DOCK3: variants seen among roughly 807,000 people sequenced by gnomAD.
The protein encoded by DOCK3 is dedicator of cytokinesis 3.
A neutral mutation model predicts 265.6 loss-of-function variants in DOCK3; 60 were observed. The ratio of observed to expected loss-of-function variants is 0.23; its 90% confidence interval spans 0.18 to 0.28. The LOEUF is 0.28. DOCK3 is among the 10% of genes least tolerant of loss of function. The probability of loss-of-function intolerance (pLI) is 1.00; values close to 1 mark genes in which losing one functional copy is unlikely to be tolerated. For missense variants in DOCK3, 1,981 were observed against 2,594.3 expected, an observed-to-expected ratio of 0.76 and a Z score of 5.14; for synonymous variants, 881 against 938.0, an observed-to-expected ratio of 0.94 and a Z score of 1.11.
chr3:51,030,416 G>A (rs2080001405), intron 5 of DOCK3, among the ~76,000 whole-genome samples: 1 of 152,026 alleles, frequency 6.6e-6, no homozygotes, highest in African/African-American at 2.4e-5. Context: ...CTTATCCCCT[G>A]GCTATTTGAG....
At chr3:50,919,846 C>T (rs2050340349) in intron 4 of DOCK3, among the ~76,000 whole-genome samples, 1 of 152,102 alleles carries the variant, frequency 6.6e-6, no homozygotes, top group Admixed American at 6.5e-5. Context: ...AAAGGGAATG[C>T]TTCAGTTTTT....
chr3:51,306,005 GTTTTTCTTTTTT>G (rs1302802732), intron 27 of DOCK3, among the ~76,000 whole-genome samples: 31 of 146,428 alleles, frequency 2.1e-4, no homozygotes, highest in South Asian at 4.4e-4. Context: ...ACACCAGCTA[GTTTTTCTTTTTT>G]TTTTTCTTTT....
chr3:50,947,735 A>G (rs1464306007), intron 5 of DOCK3, among the ~76,000 whole-genome samples: 2 of 152,158 alleles, frequency 1.3e-5, no homozygotes, highest in Non-Finnish European at 2.9e-5. Flanking sequence ...ACCCGAAATA[A>G]ATAGAGGAGA....
At chr3:50,685,804 A>G (rs1209349666) in intron 1 of DOCK3, 2 of 187,694 alleles carry the variant, frequency 1.1e-5, no homozygotes, top group African/African-American at 2.4e-5. Flanking sequence ...GGCCTAGAAC[A>G]TGGTGGGGTT....
chr3:51,338,658 C>T (rs2085026397), intron 36 of DOCK3, among the ~76,000 whole-genome samples: 1 of 152,234 alleles, frequency 6.6e-6, no homozygotes, highest in African/African-American at 2.4e-5. Context: ...GGCAAGGACC[C>T]ACTAACCCTG....
At chr3:50,922,325 G>A (rs756879213) in intron 4 of DOCK3, among the ~76,000 whole-genome samples, 9 of 152,194 alleles carry the variant, frequency 5.9e-5, no homozygotes, top group Non-Finnish European at 1.0e-4. Context: ...AGCAGTGATC[G>A]AGGCTCCGTG....
At chr3:51,183,678 A>C (rs1460179858) in intron 12 of DOCK3, among the ~76,000 whole-genome samples, 2 of 152,174 alleles carry the variant, frequency 1.3e-5, no homozygotes, top group East Asian at 3.8e-4. Flanking sequence ...AATAGAAGTA[A>C]AAATAAAGTT....
chr3:51,323,591 T>A (rs1001022047), intron 32 of DOCK3, among the ~76,000 whole-genome samples: 1 of 152,068 alleles, frequency 6.6e-6, no homozygotes, highest in African/African-American at 2.4e-5. Flanking sequence ...ACTACTGGGT[T>A]AATAACAAAA....
intron 9 of DOCK3, among the ~76,000 whole-genome samples, chr3:51,106,787 C>G (rs994748249): frequency 6.6e-6 from 1 of 152,198 alleles, no homozygotes; most frequent in Non-Finnish European, 1.5e-5. Context: ...AGGGGGTGCC[C>G]CCCCCAGCCA....
chr3:51,286,485 A>AT (rs1442214716), intron 27 of DOCK3, among the ~76,000 whole-genome samples: 5 of 152,182 alleles, frequency 3.3e-5, no homozygotes, highest in South Asian at 2.1e-4. Context: ...TTGATATGGA[A>AT]TTAAAAAAAA....
At chr3:51,003,348 A>G (rs1171002889) in intron 5 of DOCK3, among the ~76,000 whole-genome samples, 1 of 152,232 alleles carries the variant, frequency 6.6e-6, no homozygotes. Flanking sequence ...CAAAGCAGGT[A>G]AGGAGGTAAG....
intron 5 of DOCK3, among the ~76,000 whole-genome samples, chr3:50,997,962 G>A (rs1400328846): frequency 6.6e-6 from 1 of 152,132 alleles, no homozygotes; most frequent in African/African-American, 2.4e-5. Flanking sequence ...TAATATTAGA[G>A]AATATAATGT....
chr3:50,962,231 T>G (rs2076909473), intron 5 of DOCK3, among the ~76,000 whole-genome samples: 1 of 152,122 alleles, frequency 6.6e-6, no homozygotes, highest in Non-Finnish European at 1.5e-5. Context: ...CAACTCCCAC[T>G]TATGAGATGA....
intron 13 of DOCK3, among the ~76,000 whole-genome samples, chr3:51,211,277 G>C (rs2089484150): frequency 6.6e-6 from 1 of 152,140 alleles, no homozygotes. Flanking sequence ...AAGAGGTTCA[G>C]TAAGAAAATG....
intron 5 of DOCK3, among the ~76,000 whole-genome samples, chr3:50,965,874 G>A (rs1350817202): frequency 1.3e-5 from 2 of 152,098 alleles, no homozygotes; most frequent in African/African-American, 4.8e-5. Flanking sequence ...TTATATACAT[G>A]TTACATAATG....
intron 12 of DOCK3, among the ~76,000 whole-genome samples, chr3:51,188,071 G>A (rs564645023): frequency 8.5e-5 from 13 of 152,176 alleles, no homozygotes; most frequent in Non-Finnish European, 1.8e-4. Flanking sequence ...GAACAACGGA[G>A]CCTTCCTTTC....
chr3:51,265,338 C>T (rs1053681956), intron 23 of DOCK3, among the ~76,000 whole-genome samples: 6 of 152,172 alleles, frequency 3.9e-5, no homozygotes, highest in African/African-American at 1.2e-4. Flanking sequence ...GGACTCCTCC[C>T]GAACTCATTT....
At chr3:51,356,598 G>A in intron 43 of DOCK3, 105 bp downstream of exon 43, 2 of 1,175,660 alleles carry the variant, frequency 1.7e-6, no homozygotes, top group Non-Finnish European at 2.5e-6. Flanking sequence ...TCGGCCACCT[G>A]CCTGGCCAAG....
At chr3:51,049,053 G>A (rs933297234) in intron 5 of DOCK3, among the ~76,000 whole-genome samples, 5 of 152,166 alleles carry the variant, frequency 3.3e-5, no homozygotes, top group African/African-American at 7.2e-5. Flanking sequence ...TAGGCTAGGC[G>A]CTGTGGCTCA....
Sources: allele counts gnomAD v4.1 joint callset (sites outside exome capture counted in the v4.1 genomes callset), GRCh38; gene constraint gnomAD v4.1.1; transcripts MANE v1.5; gene names NCBI Gene and HGNC (gene_info 2026-07-23, HGNC 2026-07-21).